The following RALY variants were observed in gnomAD, a reference collection of about 807,000 sequenced individuals.
RALY encodes the protein RNA-binding protein Raly.
In RALY, 15 loss-of-function variants were observed where a neutral mutation model predicts 30.7. The observed-to-expected ratio is 0.49, with a 90% CI of 0.33 to 0.75. The LOEUF is 0.75. RALY is among the 30% of genes least tolerant of loss of function. RALY has a pLI of 0.02. For synonymous variants in RALY, 177 were observed against 170.8 expected (o/e 1.04, Z -0.28); for missense variants, 339 against 414.3 (o/e 0.82, Z 1.58).
chr20:34,002,535 C>T (rs1312106540), intron 1 of RALY, among the ~76,000 whole-genome samples: 1 of 152,218 alleles, frequency 6.6e-6, no homozygotes, highest in African/African-American at 2.4e-5. Flanking sequence ...ATTGAGGGTT[C>T]AAACGGAAAA....
At chr20:34,033,852 ATCT>A (rs962592869) in intron 2 of RALY, among the ~76,000 whole-genome samples, 13 of 152,162 alleles carry the variant, frequency 8.5e-5, no homozygotes, top group East Asian at 1.9e-4. Flanking sequence ...TTCACTGTAA[ATCT>A]TCTTCTGTGC....
chr20:34,014,304 C>A (rs1286290153), intron 1 of RALY, among the ~76,000 whole-genome samples: 1 of 152,152 alleles, frequency 6.6e-6, no homozygotes, highest in Non-Finnish European at 1.5e-5. Flanking sequence ...TTGACTTGGC[C>A]TTTGGTCCTT....
chr20:34,030,891 A>G (rs1310178515), intron 1 of RALY, among the ~76,000 whole-genome samples: 1 of 152,100 alleles, frequency 6.6e-6, no homozygotes, highest in African/African-American at 2.4e-5. Flanking sequence ...CCCAGACTTC[A>G]TTCAAATCTC....
At chr20:33,998,196 G>A (rs2030731118) in intron 1 of RALY, among the ~76,000 whole-genome samples, 1 of 152,230 alleles carries the variant, frequency 6.6e-6, no homozygotes, top group Non-Finnish European at 1.5e-5. Flanking sequence ...GATAGGCAAG[G>A]AAACAGGCAG....
intron 2 of RALY, among the ~76,000 whole-genome samples, chr20:34,032,508 G>T (rs1033638133): frequency 6.6e-6 from 1 of 151,628 alleles, no homozygotes; most frequent in Non-Finnish European, 1.5e-5. Context: ...CTTTTTGTGT[G>T]TTGGGGGGGG....
chr20:34,021,686 C>A (rs2031827780), intron 1 of RALY, among the ~76,000 whole-genome samples: 1 of 152,132 alleles, frequency 6.6e-6, no homozygotes, highest in Non-Finnish European at 1.5e-5. Flanking sequence ...ATACTTGATA[C>A]ACAGGCAAGT....
At chr20:34,056,488 A>AG (rs543471943) in intron 2 of RALY, among the ~76,000 whole-genome samples, 1 of 152,158 alleles carries the variant, frequency 6.6e-6, no homozygotes, top group Admixed American at 6.5e-5. Flanking sequence ...AAATTCTTCC[A>AG]GGGGGGAGAT....
chr20:34,074,828 C>G (rs993269529), intron 5 of RALY, among the ~76,000 whole-genome samples: 1 of 152,186 alleles, frequency 6.6e-6, no homozygotes, highest in African/African-American at 2.4e-5. Flanking sequence ...GGGATCGGAT[C>G]CATTCCCAGA....
At chr20:34,073,525 A>C (rs1242688263) in intron 3 of RALY, 38 bp from the exon 4 acceptor site, 19 of 1,523,372 alleles carry the variant, frequency 1.2e-5, no homozygotes, top group Non-Finnish European at 1.7e-5. Context: ...GCACACTGTC[A>C]TGTTAGCATT....
At chr20:34,014,613 T>A (rs923061294) in intron 1 of RALY, among the ~76,000 whole-genome samples, 23 of 152,190 alleles carry the variant, frequency 1.5e-4, no homozygotes, top group Non-Finnish European at 2.9e-4. Context: ...GGAAAAAAAA[T>A]TCTGTTTTAA....
At chr20:34,012,411 GAT>G (rs2031439020) in intron 1 of RALY, among the ~76,000 whole-genome samples, 1 of 152,142 alleles carries the variant, frequency 6.6e-6, no homozygotes, top group Non-Finnish European at 1.5e-5. Flanking sequence ...TCAGGGCCGA[GAT>G]AGATCTATCC....
chr20:34,054,484 G>A (rs893848688), intron 2 of RALY, among the ~76,000 whole-genome samples: 1 of 152,136 alleles, frequency 6.6e-6, no homozygotes, highest in African/African-American at 2.4e-5. Context: ...CACATCAGTG[G>A]GTTTGTACTC....
At chr20:34,037,854 G>A (rs1167499835) in intron 2 of RALY, among the ~76,000 whole-genome samples, 1 of 152,164 alleles carries the variant, frequency 6.6e-6, no homozygotes, top group Non-Finnish European at 1.5e-5. Flanking sequence ...GCTTAGAAAG[G>A]GCAGGAGACT....
At position 34,005,563 on chromosome 20, in the gene RALY, G is replaced by A. The variant is rs976451643; in HGVS notation, c.-93+11432G>A. Among the ~76,000 whole-genome samples the A allele has an allele frequency of 9.9e-5, 15 of 151,972 alleles. 1 individual carries two copies. The East Asian group carries it at 2.9e-3, about 29-fold the overall frequency. ...AATGTTAACACAGCCTTGCATATTA[G>A]TGATATTGAGTGTCCACTGTGTTGA... On this transcript the variant is annotated intron_variant, in intron 1 of 9. Transcript: ENST00000246194.
intron 1 of RALY, among the ~76,000 whole-genome samples, chr20:34,020,538 A>G (rs1220580478): frequency 6.6e-6 from 1 of 152,226 alleles, no homozygotes; most frequent in African/African-American, 2.4e-5. Flanking sequence ...GGACTGTGGT[A>G]GGAATAATGG....
At chr20:34,067,761 G>A (rs982125770) in intron 2 of RALY, among the ~76,000 whole-genome samples, 3 of 151,600 alleles carry the variant, frequency 2.0e-5, no homozygotes, top group African/African-American at 7.3e-5. Context: ...AAAGGTGAAG[G>A]CACTTATTGG....
At chr20:34,012,851 G>A (rs1568654400) in intron 1 of RALY, among the ~76,000 whole-genome samples, 1 of 152,216 alleles carries the variant, frequency 6.6e-6, no homozygotes, top group Non-Finnish European at 1.5e-5. Flanking sequence ...TTTCTGCCCA[G>A]TAGAAGGTTC....
At chr20:34,062,426 A>G (rs536447357) in intron 2 of RALY, among the ~76,000 whole-genome samples, 6 of 152,348 alleles carry the variant, frequency 3.9e-5, no homozygotes, top group Admixed American at 3.3e-4. Flanking sequence ...CATGATACCT[A>G]TGTTTTTATT....
At chr20:34,036,633 G>T (rs944510335) in intron 2 of RALY, among the ~76,000 whole-genome samples, 1 of 152,194 alleles carries the variant, frequency 6.6e-6, no homozygotes, top group African/African-American at 2.4e-5. Context: ...TTGTTTGATA[G>T]AATTCATCAG....
Sources: gnomAD v4.1 joint callset for allele counts (sites outside exome capture counted in the v4.1 genomes callset) on GRCh38, gnomAD v4.1.1 for gene constraint, MANE v1.5 for transcripts, NCBI Gene and HGNC (gene_info 2026-07-23, HGNC 2026-07-21) for gene names.